Variants in EBNA1BP2 observed in about 807,000 individuals in gnomAD.
EBNA1BP2 encodes the protein probable rRNA-processing protein EBP2.
A neutral mutation model predicts 43.5 loss-of-function variants in EBNA1BP2; 36 were observed. That is an observed-to-expected ratio of 0.83 (90% confidence interval 0.63 to 1.09). The LOEUF (loss-of-function observed/expected upper bound fraction) is 1.09, where lower values mean the gene tolerates loss of function less well. Ranked by LOEUF, EBNA1BP2 falls within the 50% of genes least tolerant of loss-of-function variation. The pLI, the probability that EBNA1BP2 is intolerant of heterozygous loss-of-function variation, is 0.00. For missense variants in EBNA1BP2, 332 were observed against 379.1 expected (o/e 0.88, Z 1.03); for synonymous variants, 127 against 141.3 (o/e 0.90, Z 0.72).
At chr1:43,171,860 A>T (rs1557712421) in intron 2 of EBNA1BP2, 26 bp downstream of exon 2, 2 of 1,611,556 alleles carry the variant, frequency 1.2e-6, no homozygotes, top group Non-Finnish European at 1.7e-6. Flanking sequence ...ATGTCCGAGT[A>T]CCCCCGACCC....
rs1254606853 is a variant in EBNA1BP2 at position 43,172,256 on chromosome 1, A to T, written c.-138T>A. On this transcript the variant is annotated 5_prime_UTR_variant, in exon 1 of 9. Transcript: ENST00000236051. ...ACGCCGTGGCTCCACGTGCCACCGA[A>T]TCGCTCCAGCGCCAGCAACTCACAG... The T allele has an allele frequency of 6.4e-7, 1 of 1,556,730 alleles. No homozygotes were observed. The highest frequency in any genetic ancestry group is 1.9e-5 in the Admixed American group (1 of 51,316).
At position 43,164,626 on chromosome 1, in the gene EBNA1BP2, C is replaced by A. The variant is rs747091326; in HGVS notation, c.870+17G>T. 1.9e-6 allele frequency: 3 copies of A among 1,614,054 alleles called. No homozygotes were observed. The highest frequency in any genetic ancestry group is 2.5e-6 in the Non-Finnish European group (3 of 1,179,990). On this transcript the variant is annotated intron_variant, in intron 8 of 8. Coordinates refer to ENST00000236051, the MANE Select transcript of EBNA1BP2 (RefSeq NM_006824.3). Reference sequence around the variant, plus strand: ...AGGCTGAGCCTGCTCCTCACCCGGGCACCTGGGCTCACTTACATTTGACCC... The same window carrying A: ...AGGCTGAGCCTGCTCCTCACCCGGGAACCTGGGCTCACTTACATTTGACCC...
chr1:43,171,459 A>G lies in EBNA1BP2; in HGVS notation c.323+20T>C. The G allele has an allele frequency of 6.3e-7, 1 of 1,592,192 alleles. No individual in the cohort carries two copies. Among genetic ancestry groups the G allele is most frequent in the Non-Finnish European group, 8.6e-7 (1 of 1,168,924 alleles). ...TGCACAAGGATCCTCAACTTCTCCAACATTTGAAAACAAACATACAAACTC... is the reference window on the plus strand; with the variant it reads ...TGCACAAGGATCCTCAACTTCTCCAGCATTTGAAAACAAACATACAAACTC... On this transcript the variant is annotated intron_variant, in intron 3 of 8. Coordinates refer to ENST00000236051, the MANE Select transcript of EBNA1BP2 (RefSeq NM_006824.3).
chr1:43,166,718 C>G, intron 7 of EBNA1BP2, 108 bp downstream of exon 7: 2 of 1,145,204 alleles, frequency 1.7e-6, no homozygotes, highest in Non-Finnish European at 2.5e-6. Flanking sequence ...GCTGCACTCT[C>G]TGGACTCTAT....
In EBNA1BP2 at chr1:43,164,490, T is replaced by A. The variant is rs932340877; in HGVS notation, c.874A>T (p.Arg292Ter). The A allele has an allele frequency of 1.9e-6, 3 of 1,614,182 alleles. No homozygotes were observed. The highest frequency in any genetic ancestry group is 2.5e-6 in the Non-Finnish European group (3 of 1,180,032). The stretch of plus-strand genomic sequence containing the variant: ...TTCTCTCTTGTTCGTTTTCCAGGTC[T>A]CTTCTACAGAAAAAGACATACCACA... The part of the protein sequence containing the change: ...KRPGKKGSNK[R>*]PGKRTREKMK... The change falls in exon 9 of 9, where the codon AGA (arginine) becomes TGA (stop). Residue 292 changes from arginine to a stop codon, truncating the protein, a stop_gained. Coordinates refer to ENST00000236051, the MANE Select transcript of EBNA1BP2 (RefSeq NM_006824.3). LOFTEE classifies it high-confidence loss of function.
rs368460930 is a variant in EBNA1BP2, at chr1:43,166,791, C to A, written c.707+35G>T. On this transcript the variant is annotated intron_variant, in intron 7 of 8. Transcript: ENST00000236051. ...TGACCTGTGGCCCCATCGCACCTCA[C>A]AGAACCAAAGAAACCATGCCAAAAC... 316 of 1,591,212 alleles carry A rather than the reference C, an allele frequency of 2.0e-4. 2 individuals carry two copies. The highest frequency in any genetic ancestry group is 2.5e-4 in the Non-Finnish European group (290 of 1,172,704).
chr1:43,169,972 C>T (rs908560070), intron 4 of EBNA1BP2, among the ~76,000 whole-genome samples: 3 of 152,058 alleles, frequency 2.0e-5, no homozygotes, highest in Admixed American at 6.6e-5. Flanking sequence ...TGAGATGGAA[C>T]GGTTTCATCC....
chr1:43,171,094 A>T, intron 3 of EBNA1BP2: 1 of 606,652 alleles, frequency 1.6e-6, no homozygotes, highest in Non-Finnish European at 2.5e-6. Flanking sequence ...GTTGCTAAAA[A>T]TAGTTTAAGA....
At chr1:43,167,565 C>G (rs1644926761) in intron 5 of EBNA1BP2, among the ~76,000 whole-genome samples, 1 of 152,174 alleles carries the variant, frequency 6.6e-6, no homozygotes, top group African/African-American at 2.4e-5. Flanking sequence ...AGCACTCACC[C>G]TATTATACAA....
chr1:43,165,275 C>T (rs1177031868), intron 7 of EBNA1BP2, among the ~76,000 whole-genome samples: 3 of 152,146 alleles, frequency 2.0e-5, no homozygotes, highest in Non-Finnish European at 4.4e-5. Context: ...AATGGAATAA[C>T]ATTCAAATGT....
intron 4 of EBNA1BP2, 101 bp from the exon 5 acceptor site, chr1:43,169,129 T>G: frequency 1.6e-6 from 2 of 1,248,016 alleles, no homozygotes; most frequent in Non-Finnish European, 2.3e-6. Context: ...TTCTTTAAAC[T>G]GCGGAACTTA....
intron 7 of EBNA1BP2, 125 bp downstream of exon 7, chr1:43,166,701 G>A: frequency 1.1e-6 from 1 of 933,296 alleles, no homozygotes; most frequent in Non-Finnish European, 1.6e-6. Context: ...CCTGGCCCCA[G>A]GCAGCAGCTG....
At chr1:43,171,293 G>T (rs1436400642) in intron 3 of EBNA1BP2, 186 bp downstream of exon 3, 9 of 723,072 alleles carry the variant, frequency 1.2e-5, no homozygotes, top group Non-Finnish European at 1.6e-5. Context: ...AGTGGATTTT[G>T]GATCGTGACC....
chr1:43,169,457 G>A (rs1487440779), intron 4 of EBNA1BP2, among the ~76,000 whole-genome samples: 2 of 152,152 alleles, frequency 1.3e-5, no homozygotes, highest in Non-Finnish European at 2.9e-5. Flanking sequence ...GTTAAAGGAT[G>A]AGAAGTTGTC....
Position 43,164,429 on chromosome 1 carries a change from T to G in EBNA1BP2, c.*14A>C. 1 of 1,614,238 alleles carries G rather than the reference T, an allele frequency of 6.2e-7. No individual in the cohort carries two copies. The highest frequency in any genetic ancestry group is 8.5e-7 in the Non-Finnish European group (1 of 1,180,032). On this transcript the variant is annotated 3_prime_UTR_variant, in exon 9 of 9. Coordinates refer to ENST00000236051, the MANE Select transcript of EBNA1BP2 (RefSeq NM_006824.3). ...CATTCCTTTTTCTTGGTTCTTTGTA[T>G]TCAAAGATGCTATTTAGTGTGTTCT... is the stretch of plus-strand genomic sequence containing the variant.
In EBNA1BP2 at chr1:43,170,798, A is replaced by G. The variant is rs575285533; in HGVS notation, c.405T>C (p.Asp135=). Reference sequence around the variant, plus strand: ...CAGATTTGGCCATTTCCGCAAAATAATCAGTGGGTCGCTTCGTAGGGACTT... The same window carrying G: ...CAGATTTGGCCATTTCCGCAAAATAGTCAGTGGGTCGCTTCGTAGGGACTT... ...QLKVPTKRPT[D]YFAEMAKSDL... is the part of the protein sequence containing the mutation. Residue 135 remains aspartate, a synonymous_variant, in exon 4 of 9, where the codon GAT becomes GAC. Coordinates refer to ENST00000236051, the MANE Select transcript of EBNA1BP2 (RefSeq NM_006824.3). 15 of 1,607,664 alleles carry G rather than the reference A, an allele frequency of 9.3e-6. No homozygotes were observed. Among genetic ancestry groups the G allele is most frequent in the Non-Finnish European group, 1.2e-5 (14 of 1,177,444 alleles).
intron 7 of EBNA1BP2, among the ~76,000 whole-genome samples, chr1:43,165,684 A>ACCACTACTTAGGATTC (rs1644913512): frequency 6.6e-6 from 1 of 152,122 alleles, no homozygotes. Flanking sequence ...ACAAAGCCCA[A>ACCACTACTTAGGATTC]GCTCCTCAAC....
upstream of EBNA1BP2, chr1:43,172,461 G>T: frequency 6.5e-7 from 1 of 1,543,950 alleles, no homozygotes; most frequent in Non-Finnish European, 8.8e-7. Context: ...AAGGTGGGAG[G>T]GGGTACCTGG....
intron 5 of EBNA1BP2, 117 bp from the exon 6 acceptor site, chr1:43,167,352 CA>C: frequency 6.4e-6 from 6 of 940,752 alleles, no homozygotes; most frequent in South Asian, 2.7e-5. Flanking sequence ...TACTACGTGC[CA>C]AAAACTGTGT....
Sources: gnomAD v4.1 joint callset for allele counts (sites outside exome capture counted in the v4.1 genomes callset) on GRCh38, gnomAD v4.1.1 for gene constraint, MANE v1.5 for transcripts, NCBI Gene and HGNC (gene_info 2026-07-23, HGNC 2026-07-21) for gene names.